Variants in NIPAL2 observed in about 807,000 individuals in gnomAD.
NIPAL2 encodes NIPA-like protein 2.
A neutral mutation model predicts 48.9 loss-of-function variants in NIPAL2; 43 were observed. The ratio of observed to expected loss-of-function variants is 0.88; its 90% CI spans 0.69 to 1.13. NIPAL2 has a LOEUF of 1.13. Ranked by LOEUF, NIPAL2 falls within the 50% of genes most tolerant of loss-of-function variation. NIPAL2 has a pLI of 0.00. For synonymous variants in NIPAL2, 167 were observed against 174.6 expected, an observed-to-expected ratio of 0.96 and a Z score of 0.34; for missense variants, 446 against 461.4, an observed-to-expected ratio of 0.97 and a Z score of 0.31.
intron 1 of NIPAL2, among the ~76,000 whole-genome samples, chr8:98,266,062 CAT>C (rs1229801614): frequency 8.1e-4 from 116 of 142,776 alleles, no homozygotes; most frequent in African/African-American, 2.8e-3. Context: ...TATTCTCACT[CAT>C]AGGTGGGAAT....
At chr8:98,284,092 C>T (rs1816011169) in intron 1 of NIPAL2, among the ~76,000 whole-genome samples, 1 of 152,166 alleles carries the variant, frequency 6.6e-6, no homozygotes, top group Non-Finnish European at 1.5e-5. Flanking sequence ...GCAAAAGCCT[C>T]ACATCCTACT....
At chr8:98,238,106 G>A (rs1010480014) in intron 3 of NIPAL2, among the ~76,000 whole-genome samples, 10 of 152,116 alleles carry the variant, frequency 6.6e-5, no homozygotes, top group African/African-American at 1.9e-4. Flanking sequence ...TGCTACTGTC[G>A]CCTCAGGTAC....
At chr8:98,199,203 G>A (rs560287060) in intron 8 of NIPAL2, among the ~76,000 whole-genome samples, 23 of 152,142 alleles carry the variant, frequency 1.5e-4, no homozygotes, top group Admixed American at 7.9e-4. Context: ...TGATCCGCCC[G>A]CCTCAGCCTC....
chr8:98,273,089 A>C (rs1815236600), intron 1 of NIPAL2, among the ~76,000 whole-genome samples: 1 of 152,206 alleles, frequency 6.6e-6, no homozygotes, highest in African/African-American at 2.4e-5. Context: ...CGTTATTCCT[A>C]GTGCCCCAAA....
intron 3 of NIPAL2, among the ~76,000 whole-genome samples, chr8:98,242,061 A>G (rs1158717982): frequency 1.3e-5 from 2 of 152,238 alleles, no homozygotes; most frequent in African/African-American, 4.8e-5. Context: ...TACCATTGAT[A>G]ATATACCAAT....
At chr8:98,263,927 C>T (rs1357181634) in intron 1 of NIPAL2, among the ~76,000 whole-genome samples, 41 of 131,466 alleles carry the variant, frequency 3.1e-4, no homozygotes, top group Non-Finnish European at 5.5e-4. Flanking sequence ...AAAAGCTTAT[C>T]CACCATGATC....
intron 5 of NIPAL2, among the ~76,000 whole-genome samples, chr8:98,220,391 T>C (rs953159167): frequency 1.3e-5 from 2 of 151,798 alleles, no homozygotes; most frequent in Non-Finnish European, 1.5e-5. Context: ...TAAAAATGTA[T>C]AATTCTGTGT....
At chr8:98,222,625 A>T in intron 4 of NIPAL2, 25 bp from the exon 5 acceptor site, 1 of 1,610,780 alleles carries the variant, frequency 6.2e-7, no homozygotes, top group Non-Finnish European at 8.5e-7. Context: ...GAAAAGAAAA[A>T]CCAAATTGAA....
chr8:98,273,322 G>A (rs1283590544), intron 1 of NIPAL2, among the ~76,000 whole-genome samples: 1 of 152,114 alleles, frequency 6.6e-6, no homozygotes, highest in Non-Finnish European at 1.5e-5. Flanking sequence ...CAAATCTGTA[G>A]AGACAGAAAA....
rs762491921 is a variant in NIPAL2, at chr8:98,203,207, A to G, written c.792-11T>C. 4.4e-6 allele frequency: 7 copies of G among 1,606,058 alleles called. No homozygotes were observed. The Admixed American group carries it at 5.0e-5, about 11-fold the overall frequency. ...GCTTGATTCAGGAACCTAGGGCAGA[A>G]GGCACTTACTGGAGCTTTGGCTTTA... is the stretch of plus-strand genomic sequence containing the variant. On this transcript the variant is annotated splice_polypyrimidine_tract_variant and intron_variant, in intron 7 of 10. Coordinates refer to ENST00000430223, the MANE Select transcript of NIPAL2 (RefSeq NM_001321635.2).
At chr8:98,245,449 G>A (rs548510641) in intron 3 of NIPAL2, among the ~76,000 whole-genome samples, 93 of 152,274 alleles carry the variant, frequency 6.1e-4, no homozygotes, top group African/African-American at 2.2e-3. Context: ...AAAGTGTCAA[G>A]TAATTCATGT....
At chr8:98,276,533 G>T (rs1815476598) in intron 1 of NIPAL2, among the ~76,000 whole-genome samples, 1 of 152,114 alleles carries the variant, frequency 6.6e-6, no homozygotes, top group Non-Finnish European at 1.5e-5. Flanking sequence ...ACATCCATGT[G>T]CAGGCTTTTG....
At position 98,264,576 on chromosome 8, in the gene NIPAL2, A is replaced by C. The variant is rs1471155333; in HGVS notation, c.136-10489T>G. Among the ~76,000 whole-genome samples, 24 of 151,344 alleles carry C rather than the reference A, an allele frequency of 1.6e-4. 2 individuals are homozygous for C. The highest frequency in any genetic ancestry group is 5.6e-4 in the African/African-American group (23 of 41,336). On this transcript the variant is annotated intron_variant, in intron 1 of 10. Transcript: ENST00000430223. ...TACCTAGGAATCCAACTTACAAGGG[A>C]TGTGAAGGACCTCTTCAAGGAGAAC...
At chr8:98,292,726 ATTT>A (rs11445213) in intron 1 of NIPAL2, among the ~76,000 whole-genome samples, 3 of 140,992 alleles carry the variant, frequency 2.1e-5, no homozygotes, top group Admixed American at 7.1e-5. Flanking sequence ...CTAACCCTCT[ATTT>A]TTTTTTTTTT....
chr8:98,210,877 G>A (rs1811276409), intron 6 of NIPAL2, among the ~76,000 whole-genome samples: 1 of 152,070 alleles, frequency 6.6e-6, no homozygotes, highest in African/African-American at 2.4e-5. Context: ...TTACTTTCAA[G>A]CTGATTTACC....
At chr8:98,210,556 A>G (rs1014224617) in intron 6 of NIPAL2, among the ~76,000 whole-genome samples, 2 of 152,206 alleles carry the variant, frequency 1.3e-5, no homozygotes, top group African/African-American at 4.8e-5. Context: ...AGGCACTTGA[A>G]AGAAAGTTTA....
rs575269390 is a variant in NIPAL2, at chr8:98,213,236, G to A, written c.559-735C>T. Among the ~76,000 whole-genome samples, 6 of 152,110 alleles carry A rather than the reference G, an allele frequency of 3.9e-5. No individual in the cohort carries two copies. In the South Asian group the frequency reaches 6.2e-4, roughly 16 times the overall value. On this transcript the variant is annotated intron_variant, in intron 5 of 10. Coordinates refer to ENST00000430223, the MANE Select transcript of NIPAL2 (RefSeq NM_001321635.2). ...TCAACCTCCCCAGGAACCACTACAC[G>A]GAAAATCTGTGTTTATCATTCACTT...
chr8:98,246,033 C>T (rs908225081), intron 3 of NIPAL2, among the ~76,000 whole-genome samples: 1 of 152,212 alleles, frequency 6.6e-6, no homozygotes, highest in Non-Finnish European at 1.5e-5. Flanking sequence ...TGGCAGTAAG[C>T]ACACTGCTCT....
At chr8:98,287,957 T>C (rs1816270141) in intron 1 of NIPAL2, among the ~76,000 whole-genome samples, 1 of 152,224 alleles carries the variant, frequency 6.6e-6, no homozygotes, top group Admixed American at 6.5e-5. Context: ...GAATATGACA[T>C]ACCATTTCCC....
Sources: allele counts gnomAD v4.1 joint callset (sites outside exome capture counted in the v4.1 genomes callset), GRCh38; gene constraint gnomAD v4.1.1; transcripts MANE v1.5; gene names NCBI Gene and HGNC (gene_info 2026-07-23, HGNC 2026-07-21).